Variants in NDRG2 observed in about 807,000 individuals in gnomAD.
The protein encoded by NDRG2 is protein NDRG2.
NDRG2 carries 34 observed loss-of-function variants against 58.2 expected under a neutral mutation model. That is an observed-to-expected ratio of 0.58 (90% CI 0.44 to 0.78). NDRG2 has a LOEUF of 0.78. Among genes scored for constraint, NDRG2 ranks in the 30% least tolerant of loss-of-function variants. The pLI is 0.00. For synonymous variants in NDRG2, 187 were observed against 175.9 expected (o/e 1.06, Z -0.50); for missense variants, 434 against 471.2 (o/e 0.92, Z 0.73).
chr14:21,061,797 T>C (rs1028911227), intron 1 of NDRG2, among the ~76,000 whole-genome samples: 1 of 152,210 alleles, frequency 6.6e-6, no homozygotes, highest in East Asian at 1.9e-4. Flanking sequence ...ATGCACATGG[T>C]TTGAAATGAA....
chr14:21,059,831 A>C (rs1885865593), intron 1 of NDRG2, among the ~76,000 whole-genome samples: 1 of 152,212 alleles, frequency 6.6e-6, no homozygotes, highest in Non-Finnish European at 1.5e-5. Flanking sequence ...AGCCCATAAA[A>C]GTTTCTTAAT....
rs1236614655 is a variant in NDRG2, at chr14:21,068,166, AT to A, written c.24+2661del. Reference sequence around the variant, plus strand: ...AGGCGCCCGCTACCACGCCCGGCTAATTTTTTGTATTTTTAGTAGAGACGGG... The same window carrying A: ...AGGCGCCCGCTACCACGCCCGGCTAATTTTTGTATTTTTAGTAGAGACGGG... On this transcript the variant is annotated intron_variant, in intron 1 of 14. Coordinates refer to the NDRG2 transcript ENST00000403829. 4.3e-5 allele frequency among the ~76,000 whole-genome samples: 2 copies of A among 46,866 alleles called. 1 individual carries two copies. The highest frequency in any genetic ancestry group is 1.2e-4 in the Non-Finnish European group (2 of 16,048). 30.7% of individuals were successfully genotyped at this position (46,866 alleles called of 152,430 possible).
chr14:21,017,919 T>A (rs1877679318), intron 15 of NDRG2, 68 bp downstream of exon 15: 1 of 1,613,238 alleles, frequency 6.2e-7, no homozygotes, highest in Non-Finnish European at 8.5e-7. Flanking sequence ...GGCATTCACC[T>A]AAAACGGTTC....
intron 1 of NDRG2, among the ~76,000 whole-genome samples, chr14:21,036,476 C>T (rs544553702): frequency 5.3e-5 from 8 of 152,226 alleles, no homozygotes; most frequent in Admixed American, 6.5e-5. Context: ...AGAAAGTTTA[C>T]GAATTTGTGT....
chr14:21,017,022 C>A lies in NDRG2; in HGVS notation c.*574G>T, dbSNP rs1017263894. ...CCCAGCACCAATCCTTCCCCACACT[C>A]GTTCACTGCCCGCCAACTCCCATTC... On this transcript the variant is annotated 3_prime_UTR_variant, in exon 16 of 16. Transcript: ENST00000556147. 2.2e-6 allele frequency: 1 copy of A among 456,074 alleles called. No homozygotes were observed. Among genetic ancestry groups the A allele is most frequent in the Non-Finnish European group, 4.4e-6 (1 of 226,474 alleles). The allele number at this position is 456,074 out of a possible 1,614,324, so 28.3% of individuals were successfully genotyped here. A position where few individuals can be genotyped will look rare whatever the true frequency, so the allele number is the denominator to read the frequency against.
At chr14:21,030,492 C>T (rs191290827), upstream of NDRG2, 365 of 1,353,942 alleles carry the variant, frequency 2.7e-4, no homozygotes, top group Non-Finnish European at 3.3e-4. Flanking sequence ...TACCATAACA[C>T]TCATCCTCAT....
intron 1 of NDRG2, among the ~76,000 whole-genome samples, chr14:21,053,726 C>G (rs1209722092): frequency 6.6e-6 from 1 of 152,128 alleles, no homozygotes; most frequent in Non-Finnish European, 1.5e-5. Flanking sequence ...ACCACCTGAT[C>G]CCAGGATGTA....
chr14:21,022,794 A>C, intron 3 of NDRG2, 70 bp downstream of exon 3: 1 of 1,499,628 alleles, frequency 6.7e-7, no homozygotes, highest in Non-Finnish European at 9.2e-7. Flanking sequence ...AGGGCCAAGC[A>C]GAGGCCATCC....
chr14:21,037,742 T>C (rs1325631479), intron 1 of NDRG2, among the ~76,000 whole-genome samples: 2 of 152,268 alleles, frequency 1.3e-5, no homozygotes, highest in Non-Finnish European at 2.9e-5. Flanking sequence ...AAAATATTTT[T>C]GTTAAACAAA....
intron 5 of NDRG2, 64 bp from the exon 6 acceptor site, chr14:21,021,943 T>G: frequency 6.2e-7 from 1 of 1,611,426 alleles, no homozygotes; most frequent in African/African-American, 1.3e-5. Flanking sequence ...CCTCAGGATG[T>G]CCTACTCATT....
chr14:21,067,255 G>T (rs1243471), intron 1 of NDRG2, among the ~76,000 whole-genome samples: 2 of 152,020 alleles, frequency 1.3e-5, no homozygotes, highest in Non-Finnish European at 2.9e-5. Flanking sequence ...TTAACTATTA[G>T]TCTATAACAA....
intron 14 of NDRG2, 51 bp from the exon 15 acceptor site, chr14:21,018,089 G>A: frequency 6.2e-7 from 1 of 1,606,766 alleles, no homozygotes; most frequent in Non-Finnish European, 8.5e-7. Flanking sequence ...GTTAGAGGAA[G>A]AGCTGGAGCC....
intron 1 of NDRG2, among the ~76,000 whole-genome samples, chr14:21,069,143 G>A (rs1397472401): frequency 6.6e-6 from 1 of 152,220 alleles, no homozygotes; most frequent in Non-Finnish European, 1.5e-5. Flanking sequence ...GCTTCCCGGT[G>A]CCTGCTCAGA....
At chr14:21,054,781 T>C (rs1449805461) in intron 1 of NDRG2, among the ~76,000 whole-genome samples, 1 of 152,220 alleles carries the variant, frequency 6.6e-6, no homozygotes, top group Non-Finnish European at 1.5e-5. Context: ...GAACACACAA[T>C]ACAGTTTATA....
At chr14:21,041,888 C>T (rs1168526651) in intron 1 of NDRG2, among the ~76,000 whole-genome samples, 1 of 152,132 alleles carries the variant, frequency 6.6e-6, no homozygotes, top group Non-Finnish European at 1.5e-5. Flanking sequence ...GTGTCTGTTC[C>T]ATCTCCTCCG....
chr14:21,030,741 T>C (rs775532664), upstream of NDRG2: 1 of 1,613,982 alleles, frequency 6.2e-7, no homozygotes, highest in South Asian at 1.1e-5. Context: ...GGACATCGTG[T>C]TCAGCAAAGT....
chr14:21,034,043 G>A, intron 1 of NDRG2: 1 of 1,614,084 alleles, frequency 6.2e-7, no homozygotes. Context: ...AGAACTTCTG[G>A]ATGGCCTTCC....
At chr14:21,032,129 C>G (rs111435290) in intron 1 of NDRG2, 24 of 1,567,926 alleles carry the variant, frequency 1.5e-5, no homozygotes, top group South Asian at 2.3e-5. Context: ...TGTTTAACAC[C>G]AGGGAGCTTG....
rs143975728 is a variant in NDRG2, at chr14:21,031,022, G to A, written c.25-7701C>T. ...TGTCTAACTGACCAGGGCCAAGAAC[G>A]CCCGAACCATCACGTTTCAACAGTT... On this transcript the variant is annotated intron_variant, in intron 1 of 14. Coordinates refer to the NDRG2 transcript ENST00000403829. 58 of 1,609,076 alleles carry A rather than the reference G, an allele frequency of 3.6e-5. No homozygotes were observed. Among genetic ancestry groups the A allele is most frequent in the African/African-American group, 2.1e-4 (16 of 74,816 alleles).
Sources: gnomAD v4.1 joint callset for allele counts (sites outside exome capture counted in the v4.1 genomes callset) on GRCh38, gnomAD v4.1.1 for gene constraint, MANE v1.5 for transcripts, NCBI Gene and HGNC (gene_info 2026-07-23, HGNC 2026-07-21) for gene names.